The following ZFHX3 variants were observed in gnomAD, a reference collection of about 807,000 sequenced individuals.
The protein encoded by ZFHX3 is zinc finger homeobox 3.
Under a neutral mutation model 279.1 loss-of-function variants are expected in ZFHX3, and 42 were observed. The observed-to-expected ratio is 0.15, with a 90% CI of 0.12 to 0.19. The LOEUF is 0.19. Among genes scored for constraint, ZFHX3 ranks in the 10% least tolerant of loss-of-function variants. The pLI is 1.00. For missense variants in ZFHX3, 4,981 were observed against 4,754.0 expected, an observed-to-expected ratio of 1.05 and a Z score of -1.40; for synonymous variants, 2,293 against 1,957.8, an observed-to-expected ratio of 1.17 and a Z score of -4.52.
chr16:73,532,653 C>A (rs1473106322), intron 2 of ZFHX3, among the ~76,000 whole-genome samples: 4 of 152,180 alleles, frequency 2.6e-5, no homozygotes, highest in African/African-American at 9.7e-5. Context: ...CTAACCTAAT[C>A]TCTTTGTGCC....
intron 5 of ZFHX3, among the ~76,000 whole-genome samples, chr16:73,251,669 C>T (rs369266096): frequency 6.6e-5 from 10 of 151,936 alleles, no homozygotes; most frequent in African/African-American, 2.4e-4. Flanking sequence ...GTAAAACACA[C>T]ATTCACACAC....
At chr16:73,041,687 C>G (rs1377542910) in intron 1 of ZFHX3, among the ~76,000 whole-genome samples, 1 of 152,148 alleles carries the variant, frequency 6.6e-6, no homozygotes, top group Admixed American at 6.5e-5. Context: ...GCCGCACACA[C>G]TGAAATCCAT....
chr16:73,674,398 G>C (rs1252691357), intron 2 of ZFHX3, among the ~76,000 whole-genome samples: 1 of 152,160 alleles, frequency 6.6e-6, no homozygotes, highest in Non-Finnish European at 1.5e-5. Context: ...TGACATTTCA[G>C]GAAGACTAAA....
rs770118045 is a variant in ZFHX3, at chr16:72,959,937, G to A, written c.209C>T (p.Pro70Leu). The A allele has an allele frequency of 1.2e-6, 2 of 1,600,566 alleles. No individual in the cohort carries two copies. The highest frequency in any genetic ancestry group is 1.7e-6 in the Non-Finnish European group (2 of 1,173,258). ...CTCCTTGCTGGCGGGCTCGGAGGGG[G>A]GCCCGGCCGACGCGGTGCTCTCCGC... ...RLAESTASAGPPSEPASKEVT... is the reference protein window; with the variant it reads ...RLAESTASAGLPSEPASKEVT... The change falls in exon 2 of 10, where the codon CCC becomes CTC. Residue 70 changes from proline (P) to leucine (L), a missense_variant. Physicochemically the swap from Pro to Leu is moderately conservative, Grantham distance 98. This residue lies in a region of ZFHX3 where 1,068 missense variants were observed against 935.2 expected (regional missense o/e 1.14). Coordinates refer to ENST00000268489, the MANE Select transcript of ZFHX3 (RefSeq NM_006885.4).
At chr16:73,270,802 T>TC (rs1260777974) in intron 4 of ZFHX3, among the ~76,000 whole-genome samples, 1 of 152,152 alleles carries the variant, frequency 6.6e-6, no homozygotes, top group South Asian at 2.1e-4. Context: ...CTTCAAGGCC[T>TC]CAATTGCATG....
At chr16:73,419,586 A>G (rs2017674419) in intron 3 of ZFHX3, among the ~76,000 whole-genome samples, 1 of 151,596 alleles carries the variant, frequency 6.6e-6, no homozygotes. Context: ...CAGTCTTCCC[A>G]CCTTTGCTAG....
At chr16:72,969,906 C>T (rs1256689171) in intron 1 of ZFHX3, among the ~76,000 whole-genome samples, 2 of 152,206 alleles carry the variant, frequency 1.3e-5, no homozygotes, top group East Asian at 1.9e-4. Flanking sequence ...GTGGCCAGGT[C>T]GGAGAACACA....
intron 1 of ZFHX3, among the ~76,000 whole-genome samples, chr16:73,687,121 G>A (rs1447285516): frequency 7.2e-6 from 1 of 139,066 alleles, no homozygotes; most frequent in Non-Finnish European, 1.5e-5. Context: ...AGTTGCAGTG[G>A]CTTACAACTG....
At chr16:73,032,325 CA>C (rs935094978) in intron 1 of ZFHX3, among the ~76,000 whole-genome samples, 2 of 151,844 alleles carry the variant, frequency 1.3e-5, no homozygotes, top group African/African-American at 4.8e-5. Context: ...AAAAGCAAAA[CA>C]AAAAAACAAA....
chr16:73,889,047 T>C (rs1318056807), intron 1 of ZFHX3, among the ~76,000 whole-genome samples: 2 of 152,196 alleles, frequency 1.3e-5, no homozygotes, highest in African/African-American at 4.8e-5. Context: ...CCCAAGCTAG[T>C]AACACAGGCC....
At chr16:73,745,493 G>C (rs1257768432) in intron 1 of ZFHX3, among the ~76,000 whole-genome samples, 2 of 152,202 alleles carry the variant, frequency 1.3e-5, no homozygotes, top group Admixed American at 1.3e-4. Context: ...AGAAATAACA[G>C]AAGATAATAG....
Position 72,797,540 on chromosome 16 carries a change from T to C in ZFHX3, c.5142A>G (p.Lys1714=), listed in dbSNP as rs1567518594. 3.7e-6 allele frequency: 6 copies of C among 1,614,120 alleles called. No individual in the cohort carries two copies. The highest frequency in any genetic ancestry group is 5.1e-6 in the Non-Finnish European group (6 of 1,180,014). The change falls in exon 9 of 10, where the codon AAA becomes AAG. Residue 1714 remains lysine (K), a synonymous_variant. Transcript: ENST00000268489. The part of the protein sequence containing the change: ...PSEPKEANRK[K]LADMIASRQQ... Reference sequence around the variant, plus strand: ...GCCTGGATGCAATCATATCTGCCAGTTTCTTCCGATTGGCCTCTTTGGGCT... The same window carrying C: ...GCCTGGATGCAATCATATCTGCCAGCTTCTTCCGATTGGCCTCTTTGGGCT...
intron 2 of ZFHX3, among the ~76,000 whole-genome samples, chr16:73,575,409 G>T (rs2051789625): frequency 6.6e-6 from 1 of 152,132 alleles, no homozygotes; most frequent in South Asian, 2.1e-4. Flanking sequence ...TCTGTATGTT[G>T]ATTGGTTTTG....
intron 1 of ZFHX3, among the ~76,000 whole-genome samples, chr16:73,737,158 G>C (rs191202410): frequency 6.6e-6 from 1 of 152,000 alleles, no homozygotes; most frequent in East Asian, 1.9e-4. Flanking sequence ...TTCAACTTCC[G>C]AAGTAGCTGG....
At chr16:73,521,230 G>T (rs2143706613) in intron 2 of ZFHX3, among the ~76,000 whole-genome samples, 1 of 152,220 alleles carries the variant, frequency 6.6e-6, no homozygotes, top group East Asian at 1.9e-4. Flanking sequence ...TGTTCAAAAG[G>T]TTCTGCCACT....
At chr16:73,452,841 A>C (rs1443892070) in intron 3 of ZFHX3, among the ~76,000 whole-genome samples, 2 of 152,234 alleles carry the variant, frequency 1.3e-5, no homozygotes, top group Non-Finnish European at 2.9e-5. Context: ...CTTCCAACCA[A>C]TGATTACCAT....
At chr16:73,697,638 A>G (rs2053209940) in intron 1 of ZFHX3, among the ~76,000 whole-genome samples, 1 of 152,166 alleles carries the variant, frequency 6.6e-6, no homozygotes, top group South Asian at 2.1e-4. Flanking sequence ...AAAATTCTAC[A>G]TTAAGTTCAC....
rs3081625 is a variant in ZFHX3, at chr16:73,004,159, C to CTTTTTTTTTTTTTTTTTTTT, written c.-50+43573_-50+43592dup. Among the ~76,000 whole-genome samples the CTTTTTTTTTTTTTTTTTTTT allele has an allele frequency of 8.1e-5, 4 of 49,372 alleles. 1 individual carries two copies. Among genetic ancestry groups the CTTTTTTTTTTTTTTTTTTTT allele is most frequent in the East Asian group, 1.2e-3 (1 of 816 alleles). The allele number at this position is 49,372 out of a possible 152,430, so 32.4% of individuals were successfully genotyped here. ...CAATAATAACTACATAAAAACACGA[C>CTTTTTTTTTTTTTTTTTTTT]TTTTTTTTTTTTTTTTTTTTTTTTT... On this transcript the variant is annotated intron_variant, in intron 1 of 9. Transcript: ENST00000268489.
chr16:73,632,971 C>T (rs1033870976), intron 2 of ZFHX3, among the ~76,000 whole-genome samples: 25 of 151,892 alleles, frequency 1.6e-4, no homozygotes, highest in Admixed American at 5.9e-4. Flanking sequence ...CCCAGCTACT[C>T]GGGAGGCTGA....
Sources: gnomAD v4.1 joint callset for allele counts (sites outside exome capture counted in the v4.1 genomes callset) on GRCh38, gnomAD v4.1.1 for gene constraint, gnomAD v4.1.1 regional missense constraint, MANE v1.5 for transcripts, NCBI Gene and HGNC (gene_info 2026-07-23, HGNC 2026-07-21) for gene names.